ANKRD28: variants seen among roughly 807,000 people sequenced by gnomAD.
ANKRD28 encodes serine/threonine-protein phosphatase 6 regulatory ankyrin repeat subunit A.
ANKRD28 carries 44 observed loss-of-function variants against 126.5 expected under a neutral mutation model. The ratio of observed to expected loss-of-function variants is 0.35; its 90% confidence interval spans 0.27 to 0.45. The LOEUF (loss-of-function observed/expected upper bound fraction) is 0.45. Among genes scored for constraint, ANKRD28 ranks in the 20% least tolerant of loss-of-function variants. The pLI is 1.00. For missense variants in ANKRD28, 1,110 were observed against 1,316.6 expected, an observed-to-expected ratio of 0.84 and a Z score of 2.43; for synonymous variants, 442 against 468.5, an observed-to-expected ratio of 0.94 and a Z score of 0.73.
chr3:15,719,738 G>A (rs1050741462), intron 8 of ANKRD28, among the ~76,000 whole-genome samples: 2 of 151,756 alleles, frequency 1.3e-5, no homozygotes, highest in African/African-American at 4.8e-5. Context: ...TTTTTTGGTA[G>A]AGATAGAGGT....
At chr3:15,848,047 C>T (rs2061563847) in intron 1 of ANKRD28, among the ~76,000 whole-genome samples, 1 of 152,186 alleles carries the variant, frequency 6.6e-6, no homozygotes, top group Non-Finnish European at 1.5e-5. Flanking sequence ...CTCTTGTGTC[C>T]TTTGGAGTCT....
rs1029656996 is a variant in ANKRD28 at position 15,838,365 on chromosome 3, C to T, written c.27+21012G>A. Among the ~76,000 whole-genome samples the T allele has an allele frequency of 6.6e-6, 1 of 152,130 alleles. No individual in the cohort carries two copies. The highest frequency in any genetic ancestry group is 2.4e-5 in the African/African-American group (1 of 41,406). On this transcript the variant is annotated intron_variant, in intron 1 of 27. Transcript: ENST00000399451. The surrounding 1 kb of genome is among the most constrained non-coding windows in gnomAD (Gnocchi z 4.0). ...AATATCAGCAAACCAAATCCAGCAG[C>T]ATACAATAGGAATCATACAAATTGG...
rs1458265665 is a variant in ANKRD28 at position 15,690,173 on chromosome 3, C to T, written c.1809G>A (p.Leu603=). Residue 603 remains leucine, a synonymous_variant, in exon 18 of 28, where the codon TTG becomes TTA. Transcript: ENST00000683139. ...TACTATTTCTGACATCAAGATCTAA[C>T]AAAGACTGTACCAACACTTCCAGTG... is the stretch of plus-strand genomic sequence containing the variant. ...HQALEVLVQS[L]LDLDVRNSSG... is the part of the protein sequence containing the mutation. 4 of 1,608,534 alleles carry T rather than the reference C, an allele frequency of 2.5e-6. No homozygotes were observed. Among genetic ancestry groups the T allele is most frequent in the Non-Finnish European group, 3.4e-6 (4 of 1,177,244 alleles).
intron 2 of ANKRD28, among the ~76,000 whole-genome samples, chr3:15,782,299 T>C (rs1043066495): frequency 3.9e-5 from 6 of 152,078 alleles, no homozygotes; most frequent in African/African-American, 1.4e-4. Context: ...CTTGTTTCAG[T>C]AGCGCAGAAT....
At chr3:15,820,915 AC>A (rs1170327690) in intron 1 of ANKRD28, among the ~76,000 whole-genome samples, 1 of 152,184 alleles carries the variant, frequency 6.6e-6, no homozygotes, top group Non-Finnish European at 1.5e-5. Flanking sequence ...AAATTTAGTC[AC>A]TAAACTTTAC....
rs1362026848 is a variant in ANKRD28 at position 15,668,470 on chromosome 3, TAAAGA to T, written c.*1795_*1799del. The T allele has an allele frequency of 1.3e-5, 2 of 152,428 alleles. No homozygotes were observed. Among genetic ancestry groups the T allele is most frequent in the African/African-American group, 2.4e-5 (1 of 41,376 alleles). The allele number at this position is 152,428 out of a possible 1,614,324, so 9.4% of individuals were successfully genotyped here. On this transcript the variant is annotated 3_prime_UTR_variant, in exon 28 of 28. Coordinates refer to ENST00000683139, the MANE Select transcript of ANKRD28 (RefSeq NM_001349278.2). Reference sequence around the variant, plus strand: ...GGTTCATTATGACTTCTTTATATTATAAAGAAAAGATGGGGGATTAGATTTATAAT... The same window carrying T: ...GGTTCATTATGACTTCTTTATATTATAAAGATGGGGGATTAGATTTATAAT...
In ANKRD28 at chr3:15,819,186, G is replaced by A. The variant is rs192208694; in HGVS notation, c.28-23880C>T. Among the ~76,000 whole-genome samples the A allele has an allele frequency of 4.2e-3, 645 of 152,306 alleles. 5 individuals carry two copies. Among genetic ancestry groups the A allele is most frequent in the East Asian group, 0.02 (101 of 5,174 alleles). ...CCAGCTACTTGGGAGGCTGAGGTGG[G>A]AGGATTGCTTGAGCCTGGGAGGTCA... is the stretch of plus-strand genomic sequence containing the variant. On this transcript the variant is annotated intron_variant, in intron 1 of 27. Transcript: ENST00000399451.
Position 15,668,941 on chromosome 3 carries a change from C to T in ANKRD28, c.*1329G>A, listed in dbSNP as rs1347792662. 6.6e-6 allele frequency: 1 copy of T among 152,618 alleles called. No individual in the cohort carries two copies. Among genetic ancestry groups the T allele is most frequent in the Non-Finnish European group, 1.5e-5 (1 of 68,028 alleles). The allele number at this position is 152,618 out of a possible 1,614,324, so 9.5% of individuals were successfully genotyped here. On this transcript the variant is annotated 3_prime_UTR_variant, in exon 28 of 28. Transcript: ENST00000683139. ...CCCTCAATGTATATGAAATCATTTT[C>T]ACTGGGAAAGTGACAGTTACAGTAA... is the stretch of plus-strand genomic sequence containing the variant.
chr3:15,850,254 GAGAGA>G (rs2061622333), intron 1 of ANKRD28, among the ~76,000 whole-genome samples: 1 of 139,200 alleles, frequency 7.2e-6, no homozygotes, highest in African/African-American at 2.7e-5. Flanking sequence ...GAGAGAGAGA[GAGAGA>G]GAGAAAGTTG....
At chr3:15,718,616 TGCC>T (rs1240736700) in intron 8 of ANKRD28, among the ~76,000 whole-genome samples, 1 of 152,212 alleles carries the variant, frequency 6.6e-6, no homozygotes, top group Non-Finnish European at 1.5e-5. Context: ...TAAATATTCA[TGCC>T]AAAATGGCAG....
Position 15,849,576 on chromosome 3 carries a change from C to T in ANKRD28, c.27+9801G>A, listed in dbSNP as rs370466101. Among the ~76,000 whole-genome samples, 4 of 152,166 alleles carry T rather than the reference C, an allele frequency of 2.6e-5. No individual in the cohort carries two copies. The East Asian group carries it at 7.7e-4, about 29-fold the overall frequency. Reference sequence around the variant, plus strand: ...TCTAGGAGGGGTACCCTCACCATACCAGGGAGAGAAAAATAACCCTTACTT... The same window carrying T: ...TCTAGGAGGGGTACCCTCACCATACTAGGGAGAGAAAAATAACCCTTACTT... On this transcript the variant is annotated intron_variant, in intron 1 of 27. Coordinates refer to the ANKRD28 transcript ENST00000399451.
intron 2 of ANKRD28, among the ~76,000 whole-genome samples, chr3:15,789,702 C>T (rs545284093): frequency 6.6e-6 from 1 of 151,978 alleles, no homozygotes; most frequent in Admixed American, 6.6e-5. Flanking sequence ...CAAAATCTGC[C>T]AAATATAAAA....
chr3:15,781,430 G>A (rs188922028), intron 2 of ANKRD28: 1 of 152,174 alleles, frequency 6.6e-6, no homozygotes, highest in East Asian at 1.9e-4. Flanking sequence ...AACAATAAGT[G>A]AAGTGATGGA....
chr3:15,762,204 A>AC (rs1269997118), intron 3 of ANKRD28, among the ~76,000 whole-genome samples: 1,421 of 34,488 alleles, frequency 0.041, 19 homozygotes, highest in Admixed American at 0.098. Context: ...AAAAAAAAAA[A>AC]AAAAAAAAAC....
chr3:15,681,767 T>C (rs1024900111), intron 21 of ANKRD28, among the ~76,000 whole-genome samples: 2 of 152,196 alleles, frequency 1.3e-5, no homozygotes, highest in Non-Finnish European at 1.5e-5. Context: ...TCAGCAGATA[T>C]TGTATGTGGC....
intron 18 of ANKRD28, among the ~76,000 whole-genome samples, chr3:15,687,108 A>ATT (rs570622244): frequency 6.6e-6 from 1 of 151,208 alleles, no homozygotes; most frequent in African/African-American, 2.4e-5. Context: ...ACACCCGGCG[A>ATT]TTTTTTTTGT....
chr3:15,762,057 A>G (rs769265892), intron 3 of ANKRD28, among the ~76,000 whole-genome samples: 1 of 151,904 alleles, frequency 6.6e-6, no homozygotes, highest in Non-Finnish European at 1.5e-5. Flanking sequence ...CTGGTGATGC[A>G]TGCCTGTAAT....
At chr3:15,787,703 T>C (rs2059842124) in intron 2 of ANKRD28, among the ~76,000 whole-genome samples, 1 of 152,150 alleles carries the variant, frequency 6.6e-6, no homozygotes, top group South Asian at 2.1e-4. Flanking sequence ...CATCAACAGC[T>C]TGGTGTACTG....
At chr3:15,808,564 T>A (rs2060638766) in intron 1 of ANKRD28, among the ~76,000 whole-genome samples, 1 of 152,200 alleles carries the variant, frequency 6.6e-6, no homozygotes, top group South Asian at 2.1e-4. Context: ...GCATCAAATC[T>A]TCAAGACTTT....
Sources: gnomAD v4.1 joint callset for allele counts (sites outside exome capture counted in the v4.1 genomes callset) on GRCh38, gnomAD v4.1.1 for gene constraint, Gnocchi (gnomAD v3.1) non-coding constraint, MANE v1.5 for transcripts, NCBI Gene and HGNC (gene_info 2026-07-23, HGNC 2026-07-21) for gene names.